The following POLN variants were observed in gnomAD, a reference collection of about 807,000 sequenced individuals.
POLN encodes DNA polymerase nu.
In POLN, 108 loss-of-function variants were observed where a neutral mutation model predicts 113.5. The ratio of observed to expected loss-of-function variants is 0.95; its 90% CI spans 0.81 to 1.12. The LOEUF (loss-of-function observed/expected upper bound fraction) is 1.12. Ranked by LOEUF, POLN falls within the 50% of genes most tolerant of loss-of-function variation. The pLI is 0.00. For synonymous variants in POLN, 386 were observed against 391.5 expected (o/e 0.99, Z 0.17); for missense variants, 1,097 against 1,077.1 (o/e 1.02, Z -0.26).
In POLN at chr4:2,198,641, G is replaced by T; in HGVS notation, c.791C>A (p.Ala264Asp). 6.2e-7 allele frequency: 1 copy of T among 1,613,832 alleles called. No homozygotes were observed. Among genetic ancestry groups the T allele is most frequent in the African/African-American group, 1.3e-5 (1 of 74,964 alleles). The change falls in exon 6 of 26, where the codon GCC (alanine) becomes GAC (aspartate). Residue 264 changes from alanine to aspartate, a missense_variant. Physicochemically the swap from Ala to Asp is moderately radical, Grantham distance 126. Coordinates refer to ENST00000511885, the MANE Select transcript of POLN (RefSeq NM_181808.4). ...QAEGGHGCPD[A>D]PACGPVLEGF... ...CTCCAGAACAGGACCACAGGCCGGG[G>T]CATCTGGACAGCCATGGCCACCCTC...
intron 3 of POLN, among the ~76,000 whole-genome samples, chr4:2,217,838 T>C (rs1197509827): frequency 2.0e-5 from 3 of 152,206 alleles, no homozygotes; most frequent in East Asian, 3.9e-4. Context: ...TCTTACAGGA[T>C]GCTTTCCTAT....
At chr4:2,155,789 A>G (rs1732409084) in intron 16 of POLN, among the ~76,000 whole-genome samples, 1 of 152,196 alleles carries the variant, frequency 6.6e-6, no homozygotes, top group Non-Finnish European at 1.5e-5. Flanking sequence ...GAGATGTTAA[A>G]ATAAGAAAGC....
At chr4:2,087,977 C>G (rs1730588318) in intron 20 of POLN, among the ~76,000 whole-genome samples, 1 of 152,054 alleles carries the variant, frequency 6.6e-6, no homozygotes, top group Non-Finnish European at 1.5e-5. Context: ...CAGATGTATG[C>G]CCACTGTGCC....
chr4:2,134,301 G>C lies in POLN; in HGVS notation c.1732-3011C>G, dbSNP rs188796584. 6.4e-4 allele frequency among the ~76,000 whole-genome samples: 97 copies of C among 152,282 alleles called. 2 individuals carry two copies. Among genetic ancestry groups the C allele is most frequent in the Admixed American group, 2.8e-3 (43 of 15,292 alleles). Reference sequence around the variant, plus strand: ...GTTGTTTCCAGTTTTTGGTGATTATGAATAAAGATGCCATAAGCATTTGTG... The same window carrying C: ...GTTGTTTCCAGTTTTTGGTGATTATCAATAAAGATGCCATAAGCATTTGTG... On this transcript the variant is annotated intron_variant, in intron 16 of 25. Transcript: ENST00000511885.
At chr4:2,149,683 G>A (rs1373773954) in intron 16 of POLN, among the ~76,000 whole-genome samples, 1 of 152,192 alleles carries the variant, frequency 6.6e-6, no homozygotes, top group African/African-American at 2.4e-5. Flanking sequence ...CTACTCTGAA[G>A]GATGAGGCAG....
chr4:2,195,260 A>G (rs1733545998), intron 6 of POLN, among the ~76,000 whole-genome samples: 1 of 152,210 alleles, frequency 6.6e-6, no homozygotes, highest in African/African-American at 2.4e-5. Flanking sequence ...ACTTATAAAA[A>G]TTAAGCCTCA....
chr4:2,096,384 G>A (rs182983247), intron 19 of POLN, among the ~76,000 whole-genome samples: 3 of 152,100 alleles, frequency 2.0e-5, no homozygotes, highest in Admixed American at 2.0e-4. Context: ...GAGGCCATGG[G>A]GGTGAGCCCC....
At chr4:2,168,319 G>A (rs1438558221) in intron 13 of POLN, among the ~76,000 whole-genome samples, 2 of 152,310 alleles carry the variant, frequency 1.3e-5, no homozygotes, top group African/African-American at 2.4e-5. Context: ...GAGCCACAAC[G>A]CTCACCAAGG....
intron 14 of POLN, among the ~76,000 whole-genome samples, chr4:2,158,539 G>A (rs1036659580): frequency 2.0e-5 from 3 of 152,184 alleles, no homozygotes; most frequent in Non-Finnish European, 2.9e-5. Flanking sequence ...AGGGAGAAAG[G>A]GCCAGGCTGG....
At chr4:2,160,357 CTGTTA>C (rs1732549473) in intron 13 of POLN, among the ~76,000 whole-genome samples, 1 of 151,874 alleles carries the variant, frequency 6.6e-6, no homozygotes, top group Non-Finnish European at 1.5e-5. Flanking sequence ...GTTTTTTGGT[CTGTTA>C]TATTTATTGG....
rs534704933 is a variant in POLN at position 2,212,257 on chromosome 4, C to T, written c.213+790G>A. Among the ~76,000 whole-genome samples, 9 of 152,336 alleles carry T rather than the reference C, an allele frequency of 5.9e-5. No homozygotes were observed. The East Asian group carries it at 9.6e-4, about 16-fold the overall frequency. ...AACTCACCCATTGTGAATGTTATAG[C>T]CCTGCCTTTCTGAAATTCTATTATT... is the stretch of plus-strand genomic sequence containing the variant. On this transcript the variant is annotated intron_variant, in intron 4 of 25. Transcript: ENST00000511885.
At chr4:2,132,055 T>C (rs1462174730) in intron 16 of POLN, among the ~76,000 whole-genome samples, 2 of 152,340 alleles carry the variant, frequency 1.3e-5, no homozygotes, top group African/African-American at 2.4e-5. Flanking sequence ...CTTACAGCAA[T>C]GCTCCTTAGT....
chr4:2,113,834 G>T (rs1245711626), intron 19 of POLN, among the ~76,000 whole-genome samples: 1 of 149,920 alleles, frequency 6.7e-6, no homozygotes, highest in Non-Finnish European at 1.5e-5. Flanking sequence ...TGCTGGCCTG[G>T]GTGACAGAGC....
intron 16 of POLN, among the ~76,000 whole-genome samples, chr4:2,147,585 T>C (rs1732175814): frequency 6.7e-6 from 1 of 149,886 alleles, no homozygotes; most frequent in Non-Finnish European, 1.5e-5. Context: ...CCAAACCAAA[T>C]GATTTTGAGA....
chr4:2,205,294 A>G (rs1394602038), intron 5 of POLN, among the ~76,000 whole-genome samples: 2 of 152,220 alleles, frequency 1.3e-5, no homozygotes, highest in African/African-American at 4.8e-5. Context: ...ATACACTAAC[A>G]GTGACTAAGC....
At chr4:2,141,449 G>T (rs1731999423) in intron 16 of POLN, among the ~76,000 whole-genome samples, 2 of 152,150 alleles carry the variant, frequency 1.3e-5, no homozygotes, top group African/African-American at 4.8e-5. Flanking sequence ...TGAAGAGAGG[G>T]TCCTGTGTCC....
At chr4:2,226,614 A>G (rs565519963) in intron 3 of POLN, among the ~76,000 whole-genome samples, 5 of 151,800 alleles carry the variant, frequency 3.3e-5, no homozygotes, top group African/African-American at 7.3e-5. Flanking sequence ...TCAAGAAGAT[A>G]TAACAGTCCA....
chr4:2,115,645 T>C (rs959005541), intron 19 of POLN, among the ~76,000 whole-genome samples: 1 of 152,196 alleles, frequency 6.6e-6, no homozygotes, highest in African/African-American at 2.4e-5. Context: ...AATTATTATA[T>C]GCTAGATATT....
chr4:2,077,425 ACACCCTCGAGCAGG>A (rs1359378352), intron 23 of POLN, among the ~76,000 whole-genome samples: 2 of 152,136 alleles, frequency 1.3e-5, no homozygotes, highest in Admixed American at 6.5e-5. Context: ...ACTGGTGCTC[ACACCCTCGAGCAGG>A]CTGCCCCCAG....
Sources: gnomAD v4.1 joint callset for allele counts (sites outside exome capture counted in the v4.1 genomes callset) on GRCh38, gnomAD v4.1.1 for gene constraint, MANE v1.5 for transcripts, NCBI Gene and HGNC (gene_info 2026-07-23, HGNC 2026-07-21) for gene names.